The following GFRA1 variants were observed in gnomAD, a reference collection of about 807,000 sequenced individuals.
The protein encoded by GFRA1 is GDNF family receptor alpha-1.
GFRA1 carries 16 observed loss-of-function variants against 51.6 expected under a neutral mutation model. The observed-to-expected ratio is 0.31, with a 90% CI of 0.21 to 0.47. GFRA1 has a LOEUF of 0.47. Among genes scored for constraint, GFRA1 ranks in the 20% least tolerant of loss-of-function variants. The probability of loss-of-function intolerance (pLI) is 1.00; values close to 1 mark genes in which losing one functional copy is unlikely to be tolerated. For synonymous variants in GFRA1, 270 were observed against 241.3 expected (o/e 1.12, Z -1.10); for missense variants, 530 against 594.3 (o/e 0.89, Z 1.13).
chr10:116,138,941 A>G (rs1282800613), intron 5 of GFRA1, among the ~76,000 whole-genome samples: 1 of 152,182 alleles, frequency 6.6e-6, no homozygotes, highest in Non-Finnish European at 1.5e-5. Flanking sequence ...CAGAATTTTT[A>G]CATTAAAATT....
chr10:116,118,743 T>G (rs1026102149), intron 6 of GFRA1, among the ~76,000 whole-genome samples: 1 of 152,130 alleles, frequency 6.6e-6, no homozygotes, highest in African/African-American at 2.4e-5. Flanking sequence ...AATATGCAAA[T>G]GCAAAGACAA....
chr10:116,210,849 T>C (rs973136833), intron 5 of GFRA1, among the ~76,000 whole-genome samples: 5 of 151,838 alleles, frequency 3.3e-5, no homozygotes, highest in Admixed American at 6.6e-5. Flanking sequence ...TTTCCCAGCT[T>C]GACTACAAAC....
At chr10:116,134,446 A>G (rs1043862446) in intron 5 of GFRA1, among the ~76,000 whole-genome samples, 1 of 152,228 alleles carries the variant, frequency 6.6e-6, no homozygotes, top group Admixed American at 6.5e-5. Context: ...TGATATCCAC[A>G]CGGATCGTAT....
Position 116,166,794 on chromosome 10 carries a change from TTTTTTTTTTTTTTTTTTTTTG to T in GFRA1, c.434-41258_434-41238del, listed in dbSNP as rs1423955532. On this transcript the variant is annotated intron_variant, in intron 5 of 10. Transcript: ENST00000355422. ...GCAACAATCTTCTTTTTTTTTTTTT[TTTTTTTTTTTTTTTTTTTTTG>T]TTGAGACGGAGTCTCCCTCTGTGGC... Among the ~76,000 whole-genome samples the T allele has an allele frequency of 3.1e-4, 25 of 81,388 alleles. No individual in the cohort carries two copies. In the South Asian group the frequency reaches 0.01, roughly 33 times the overall value. The allele number at this position is 81,388 out of a possible 152,430, so 53.4% of individuals were successfully genotyped here. A position where few individuals can be genotyped will look rare whatever the true frequency, so the allele number is the denominator to read the frequency against.
intron 4 of GFRA1, among the ~76,000 whole-genome samples, chr10:116,240,254 C>T (rs1967245236): frequency 6.6e-6 from 1 of 152,058 alleles, no homozygotes; most frequent in Admixed American, 6.6e-5. Context: ...TTATGGTGAC[C>T]CAACTACTCC....
intron 4 of GFRA1, among the ~76,000 whole-genome samples, chr10:116,216,929 C>T (rs978548817): frequency 6.6e-6 from 1 of 152,246 alleles, no homozygotes. Context: ...GCTGCCCCCT[C>T]ACCAAGGTTA....
intron 5 of GFRA1, among the ~76,000 whole-genome samples, chr10:116,202,978 T>C (rs1964457974): frequency 6.6e-6 from 1 of 152,082 alleles, no homozygotes; most frequent in South Asian, 2.1e-4. Flanking sequence ...CAGCCGTGGA[T>C]GAGCATTTTG....
chr10:116,267,912 A>G (rs1969791034), intron 4 of GFRA1, among the ~76,000 whole-genome samples: 1 of 150,226 alleles, frequency 6.7e-6, no homozygotes, highest in East Asian at 2.0e-4. Flanking sequence ...GTATCCTTAT[A>G]TCTTATGCCA....
chr10:116,181,707 G>A (rs1004173671), intron 5 of GFRA1, among the ~76,000 whole-genome samples: 55 of 151,594 alleles, frequency 3.6e-4, no homozygotes, highest in African/African-American at 1.3e-3. Flanking sequence ...GCATGATCTC[G>A]GCTCACTGCA....
intron 9 of GFRA1, among the ~76,000 whole-genome samples, chr10:116,078,854 G>T (rs76626741): frequency 2.0e-5 from 3 of 152,098 alleles, no homozygotes; most frequent in Non-Finnish European, 4.4e-5. Context: ...TGGTATCCAC[G>T]TTGCTACCGT....
At chr10:116,117,132 C>A (rs1227570938) in intron 6 of GFRA1, among the ~76,000 whole-genome samples, 1 of 152,214 alleles carries the variant, frequency 6.6e-6, no homozygotes, top group East Asian at 1.9e-4. Context: ...CTCCACTGAT[C>A]ATCCCCTTGC....
chr10:116,118,628 C>A (rs1408721761), intron 6 of GFRA1, among the ~76,000 whole-genome samples: 1 of 152,178 alleles, frequency 6.6e-6, no homozygotes. Context: ...CTGTTTGGGC[C>A]TCCTAGGTGG....
At chr10:116,164,649 C>A (rs1187617987) in intron 5 of GFRA1, among the ~76,000 whole-genome samples, 3 of 152,104 alleles carry the variant, frequency 2.0e-5, no homozygotes, top group Admixed American at 2.0e-4. Context: ...AATATACTTG[C>A]GTTATGTTAA....
At chr10:116,080,806 C>T (rs1023039301) in intron 9 of GFRA1, among the ~76,000 whole-genome samples, 16 of 152,184 alleles carry the variant, frequency 1.1e-4, no homozygotes, top group African/African-American at 2.9e-4. Context: ...ACTTCCTGAT[C>T]CCCATGGTGT....
At chr10:116,233,949 G>C (rs1457820943) in intron 4 of GFRA1, among the ~76,000 whole-genome samples, 2 of 152,186 alleles carry the variant, frequency 1.3e-5, no homozygotes, top group Non-Finnish European at 2.9e-5. Context: ...AGGGATATCG[G>C]GAACAGGCAG....
rs950682753 is a variant in GFRA1, at chr10:116,269,533, C to A, written c.388G>T (p.Asp130Tyr). 23 of 1,607,318 alleles carry A rather than the reference C, an allele frequency of 1.4e-5. No homozygotes were observed. The highest frequency in any genetic ancestry group is 2.0e-5 in the Non-Finnish European group (23 of 1,173,914). Reference sequence around the variant, plus strand: ...ATGAATGGGACCACCCGGAATATATCTGACAATCTGCTGTTAACTGGTTCA... The same window carrying A: ...ATGAATGGGACCACCCGGAATATATATGACAATCTGCTGTTAACTGGTTCA... ...PYEPVNSRLSDIFRVVPFISD... is the reference protein window; with the variant it reads ...PYEPVNSRLSYIFRVVPFISD... Residue 130 changes from aspartate to tyrosine, a missense_variant, in exon 4 of 11, where the codon GAT becomes TAT. Transcript: ENST00000355422.
chr10:116,095,894 T>C (rs1018964020), intron 7 of GFRA1, among the ~76,000 whole-genome samples: 3 of 152,048 alleles, frequency 2.0e-5, no homozygotes, highest in Admixed American at 6.5e-5. Context: ...CAAATGCCAG[T>C]TGAGATGAGC....
chr10:116,058,039 T>TGA lies in GFRA1; in HGVS notation c.*6358_*6359insTC, dbSNP rs1443178753. The TGA allele has an allele frequency of 8.6e-6, 1 of 116,118 alleles. No individual in the cohort carries two copies. Among genetic ancestry groups the TGA allele is most frequent in the Non-Finnish European group, 1.8e-5 (1 of 55,444 alleles). The allele number at this position is 116,118 out of a possible 1,614,324, so 7.2% of individuals were successfully genotyped here. The stretch of plus-strand genomic sequence containing the variant: ...GTGTGTGTGTGTGTGTGTGTGTGTG[T>TGA]GTGACAGAGAGAACCACGCTTTATT... On this transcript the variant is annotated 3_prime_UTR_variant, in exon 11 of 11. Coordinates refer to ENST00000355422, the MANE Select transcript of GFRA1 (RefSeq NM_005264.8).
intron 9 of GFRA1, among the ~76,000 whole-genome samples, chr10:116,072,460 C>T (rs1041987252): frequency 5.3e-5 from 8 of 152,048 alleles, no homozygotes; most frequent in African/African-American, 9.7e-5. Flanking sequence ...TGATATGCCA[C>T]GGTAAAAAGA....
Sources: allele counts gnomAD v4.1 joint callset (sites outside exome capture counted in the v4.1 genomes callset), GRCh38; gene constraint gnomAD v4.1.1; transcripts MANE v1.5; gene names NCBI Gene and HGNC (gene_info 2026-07-23, HGNC 2026-07-21).